The following USP42 variants were observed in gnomAD, a reference collection of about 807,000 sequenced individuals.
The protein encoded by USP42 is ubiquitin specific peptidase 42.
USP42 carries 23 observed loss-of-function variants against 113.0 expected under a neutral mutation model. That is an observed-to-expected ratio of 0.20 (90% CI 0.15 to 0.29). USP42 has a LOEUF of 0.29. USP42 is among the 10% of genes least tolerant of loss of function. USP42 has a pLI of 1.00. For synonymous variants in USP42, 933 were observed against 699.0 expected (o/e 1.33, Z -5.28); for missense variants, 2,174 against 1,779.8 (o/e 1.22, Z -3.99).
intron 15 of USP42, 48 bp downstream of exon 15, chr7:6,155,243 CAGTGGG>C: frequency 2.0e-6 from 3 of 1,477,964 alleles, no homozygotes; most frequent in Non-Finnish European, 2.7e-6. Context: ...CTGCTGTCAG[CAGTGGG>C]GCCTGTCCCT....
At chr7:6,110,160 G>A (rs984957189) in intron 1 of USP42, among the ~76,000 whole-genome samples, 1 of 152,074 alleles carries the variant, frequency 6.6e-6, no homozygotes, top group African/African-American at 2.4e-5. Context: ...ACATAGGAGT[G>A]GCATGTCTAG....
upstream of USP42, among the ~76,000 whole-genome samples, chr7:6,101,595 A>G (rs908421136): frequency 6.6e-6 from 1 of 151,054 alleles, no homozygotes; most frequent in Non-Finnish European, 1.5e-5. Flanking sequence ...GGATGTCTTC[A>G]TATGCTTTGT....
chr7:6,090,565 A>G, the USP42 span, among the ~76,000 whole-genome samples: 8 of 145,160 alleles, frequency 5.5e-5, no homozygotes, highest in Non-Finnish European at 1.2e-4. Flanking sequence ...AAATACAAAA[A>G]TTAGTTGGGC....
chr7:6,082,175 C>T, the USP42 span, among the ~76,000 whole-genome samples: 1 of 151,312 alleles, frequency 6.6e-6, no homozygotes. Context: ...GTCGCCCAGG[C>T]TGGAGTGCAG....
Position 6,157,550 on chromosome 7 carries a change from AC to A in USP42, c.3943+497del. On this transcript the variant is annotated intron_variant, in intron 16 of 17. Coordinates refer to ENST00000306177, the MANE Select transcript of USP42 (RefSeq NM_032172.3). This position sits in a 1 kb window ranked among gnomAD's most constrained non-coding sequence, Gnocchi z 4.1. ...GTAGCCGGGACTACAGGCGCCCGCC[AC>A]CACGCCCGGCTAAATTTTGTGTTTT... 1 of 257,056 alleles carries A rather than the reference AC, an allele frequency of 3.9e-6. No homozygotes were observed. Among genetic ancestry groups the A allele is most frequent in the Non-Finnish European group, 6.1e-6 (1 of 163,938 alleles). 15.9% of individuals were successfully genotyped at this position (257,056 alleles called of 1,614,324 possible). A position where few individuals can be genotyped will look rare whatever the true frequency, so the allele number is the denominator to read the frequency against.
chr7:6,093,051 G>A, the USP42 span: 1 of 150,602 alleles, frequency 6.6e-6, no homozygotes, highest in Non-Finnish European at 1.5e-5. Flanking sequence ...CTGAGTCTCC[G>A]TGTGGGCTGC....
upstream of USP42, among the ~76,000 whole-genome samples, chr7:6,103,955 G>T (rs986446787): frequency 1.3e-5 from 2 of 151,156 alleles, no homozygotes; most frequent in African/African-American, 2.5e-5. Flanking sequence ...GTGGTAGCGC[G>T]CGTCCGTAGC....
chr7:6,134,848 T>C lies in USP42; in HGVS notation c.443-993T>C, dbSNP rs1337902935. On this transcript the variant is annotated intron_variant, in intron 3 of 17. Transcript: ENST00000306177. Reference sequence around the variant, plus strand: ...TTGCCCAGGCTGTAGTGCAGTGGTGTGATCACAGCTTACTGCAGCCTCAGC... The same window carrying C: ...TTGCCCAGGCTGTAGTGCAGTGGTGCGATCACAGCTTACTGCAGCCTCAGC... Among the ~76,000 whole-genome samples the C allele has an allele frequency of 2.0e-5, 3 of 152,146 alleles. No individual in the cohort carries two copies. In the South Asian group the frequency reaches 6.2e-4, roughly 31 times the overall value.
At position 6,149,829 on chromosome 7, in the gene USP42, T is replaced by A; in HGVS notation, c.1633T>A (p.Ser545Thr). The part of the protein sequence containing the change: ...CQSQPNLHSN[S>T]LENPTKPVPS... ...GTCTCAACCTAACCTTCATAGTAAT[T>A]CTTTGGAGAACCCTACCAAGCCCGT... Residue 545 changes from serine (S) to threonine (T), a missense_variant, in exon 13 of 18, where the codon TCT becomes ACT. By Grantham distance (58) the Ser-to-Thr change is moderately conservative (BLOSUM62 1). Coordinates refer to ENST00000306177, the MANE Select transcript of USP42 (RefSeq NM_032172.3). 1 of 1,614,002 alleles carries A rather than the reference T, an allele frequency of 6.2e-7. No individual in the cohort carries two copies. The highest frequency in any genetic ancestry group is 8.5e-7 in the Non-Finnish European group (1 of 1,179,892).
In USP42 at chr7:6,148,592, CT is replaced by C. The variant is rs1223573313; in HGVS notation, c.1386+701del. Reference sequence around the variant, plus strand: ...TGTGGTGTTTCTGTCTGCTCTCCCCCTGGGTTTGATTTTACTCCCTGTTGGT... The same window carrying C: ...TGTGGTGTTTCTGTCTGCTCTCCCCCGGGTTTGATTTTACTCCCTGTTGGT... On this transcript the variant is annotated intron_variant, in intron 12 of 17. Coordinates refer to ENST00000306177, the MANE Select transcript of USP42 (RefSeq NM_032172.3). Among the ~76,000 whole-genome samples the C allele has an allele frequency of 3.3e-5, 5 of 152,282 alleles. No individual in the cohort carries two copies. The South Asian group carries it at 1.0e-3, about 32-fold the overall frequency.
intron 6 of USP42, 32 bp downstream of exon 6, chr7:6,140,227 TAC>T (rs1457840773): frequency 2.5e-6 from 4 of 1,579,958 alleles, no homozygotes; most frequent in Non-Finnish European, 3.5e-6. Context: ...GATAAAATGA[TAC>T]ACACATGTGG....
At chr7:6,093,650 C>G in the USP42 span, among the ~76,000 whole-genome samples, 1 of 146,894 alleles carries the variant, frequency 6.8e-6, no homozygotes, top group African/African-American at 2.6e-5. Flanking sequence ...TTCCTTACCT[C>G]TTTCTTCCTT....
chr7:6,099,896 G>C, the USP42 span, among the ~76,000 whole-genome samples: 2 of 150,532 alleles, frequency 1.3e-5, no homozygotes, highest in African/African-American at 5.0e-5. Flanking sequence ...CTGGGAGGTG[G>C]AGGTTGCAGT....
intron 5 of USP42, 87 bp from the exon 6 acceptor site, chr7:6,140,041 G>C (rs756078242): frequency 8.3e-7 from 1 of 1,197,930 alleles, no homozygotes. Context: ...TTGATCTTTT[G>C]TGAGCTCCCA....
chr7:6,158,740 A>G lies in USP42; in HGVS notation c.3944-710A>G, dbSNP rs1480270204. On this transcript the variant is annotated intron_variant, in intron 16 of 17. Coordinates refer to ENST00000306177, the MANE Select transcript of USP42 (RefSeq NM_032172.3). The surrounding 1 kb of genome is among the most constrained non-coding windows in gnomAD (Gnocchi z 4.2). ...CCATTTCAGCGAATCGGGGAAGGAG[A>G]TTCGTGAGGGCTGCTTGGTACCCGA... Among the ~76,000 whole-genome samples the G allele has an allele frequency of 1.3e-5, 2 of 151,964 alleles. No homozygotes were observed. The highest frequency in any genetic ancestry group is 4.8e-5 in the African/African-American group (2 of 41,356).
Position 6,145,765 on chromosome 7 carries a change from C to G in USP42, c.1131+109C>G, listed in dbSNP as rs190511282. 1.3e-4 allele frequency: 163 copies of G among 1,251,018 alleles called. 1 individual carries two copies. In the Middle Eastern group the frequency reaches 1.7e-3, roughly 13 times the overall value. The allele number at this position is 1,251,018 out of a possible 1,614,324, so 77.5% of individuals were successfully genotyped here. The stretch of plus-strand genomic sequence containing the variant: ...AACTTTTACAGTTAAAATGTGAATA[C>G]CCGAGGTAAAAATATTTCTCTTGGC... On this transcript the variant is annotated intron_variant, in intron 10 of 17. Transcript: ENST00000306177.
intron 3 of USP42, among the ~76,000 whole-genome samples, 182 bp from the exon 4 acceptor site, chr7:6,135,651 CAAAAAAAA>C (rs1173165919): frequency 8.7e-4 from 14 of 16,156 alleles, no homozygotes; most frequent in Non-Finnish European, 1.4e-3. Context: ...GACTCCATCT[CAAAAAAAA>C]AAAAAAAAAA....
intron 3 of USP42, among the ~76,000 whole-genome samples, chr7:6,123,480 G>C (rs1395533227): frequency 6.6e-6 from 1 of 151,958 alleles, no homozygotes; most frequent in Admixed American, 6.6e-5. Context: ...TGGCTAACAC[G>C]GTGAAACCCC....
At chr7:6,141,053 T>A in intron 7 of USP42, 69 bp downstream of exon 7, 1 of 776,620 alleles carries the variant, frequency 1.3e-6, no homozygotes. Flanking sequence ...GTAGTTCATT[T>A]ATAATTTAGA....
Sources: gnomAD v4.1 joint callset for allele counts (sites outside exome capture counted in the v4.1 genomes callset) on GRCh38, gnomAD v4.1.1 for gene constraint, Gnocchi (gnomAD v3.1) non-coding constraint, MANE v1.5 for transcripts, NCBI Gene and HGNC (gene_info 2026-07-23, HGNC 2026-07-21) for gene names.